Variants in HPSE2 observed in about 807,000 individuals in gnomAD.
HPSE2 encodes heparanase 2 (inactive), also known as inactive heparanase-2.
HPSE2 carries 38 observed loss-of-function variants against 60.5 expected under a neutral mutation model. The ratio of observed to expected loss-of-function variants is 0.63; its 90% CI spans 0.48 to 0.82. The LOEUF (loss-of-function observed/expected upper bound fraction) is 0.82, where lower values mean the gene tolerates loss of function less well. HPSE2 is among the 40% of genes least tolerant of loss of function. The probability of loss-of-function intolerance (pLI) is 0.00; values close to 1 mark genes in which losing one functional copy is unlikely to be tolerated. For synonymous variants in HPSE2, 295 were observed against 293.2 expected (o/e 1.01, Z -0.06); for missense variants, 713 against 740.4 (o/e 0.96, Z 0.43).
rs1258209087 is a variant in HPSE2, at chr10:98,981,401, G to GC, written c.610+162836dup. Among the ~76,000 whole-genome samples, 4 of 152,068 alleles carry GC rather than the reference G, an allele frequency of 2.6e-5. No homozygotes were observed. In the East Asian group the frequency reaches 7.7e-4, roughly 29 times the overall value. On this transcript the variant is annotated intron_variant, in intron 3 of 11. Transcript: ENST00000370552. The stretch of plus-strand genomic sequence containing the variant: ...GAGTTTAACTCTGGCTCTACCAAGT[G>GC]CACTCACTGTAAGAGCTTGGACAAG...
the HPSE2 span, among the ~76,000 whole-genome samples, chr10:99,285,735 G>A: frequency 6.6e-6 from 1 of 152,150 alleles, no homozygotes; most frequent in East Asian, 1.9e-4. Context: ...GATCAGCCTG[G>A]GCAACATGGT....
intron 3 of HPSE2, among the ~76,000 whole-genome samples, chr10:98,905,012 T>C (rs1953770091): frequency 6.6e-6 from 1 of 152,172 alleles, no homozygotes; most frequent in African/African-American, 2.4e-5. Context: ...TCTTTAACAT[T>C]TAATACCTTA....
At chr10:99,257,923 T>C in the HPSE2 span, among the ~76,000 whole-genome samples, 3 of 152,010 alleles carry the variant, frequency 2.0e-5, no homozygotes, top group Non-Finnish European at 4.4e-5. Flanking sequence ...TTAGGGAAAA[T>C]AGAAAAGAAC....
At chr10:98,933,082 C>A (rs887489521) in intron 3 of HPSE2, among the ~76,000 whole-genome samples, 3 of 144,022 alleles carry the variant, frequency 2.1e-5, no homozygotes, top group African/African-American at 8.5e-5. Context: ...ATCTTTCTAG[C>A]TTTTTGATGT....
rs1944584737 is a variant in HPSE2, at chr10:98,574,360, G to A, written c.1320+40544C>T. Among the ~76,000 whole-genome samples, 3 of 151,962 alleles carry A rather than the reference G, an allele frequency of 2.0e-5. No individual in the cohort carries two copies. In the South Asian group the frequency reaches 6.2e-4, roughly 32 times the overall value. ...TAAAAGAAGAGAACCCCAGGGAGGGGGAGAGAGGAATAAGACTAGGAATAG... is the reference window on the plus strand; with the variant it reads ...TAAAAGAAGAGAACCCCAGGGAGGGAGAGAGAGGAATAAGACTAGGAATAG... On this transcript the variant is annotated intron_variant, in intron 9 of 11. Coordinates refer to ENST00000370552, the MANE Select transcript of HPSE2 (RefSeq NM_021828.5).
chr10:98,633,457 C>A (rs1946417789), intron 7 of HPSE2, among the ~76,000 whole-genome samples: 1 of 152,166 alleles, frequency 6.6e-6, no homozygotes, highest in Non-Finnish European at 1.5e-5. Flanking sequence ...AAATGATTCA[C>A]CTGCTTTGGA....
At chr10:99,170,525 T>C (rs1847269257) in intron 2 of HPSE2, among the ~76,000 whole-genome samples, 1 of 152,216 alleles carries the variant, frequency 6.6e-6, no homozygotes, top group Non-Finnish European at 1.5e-5. Context: ...ATTCATATGC[T>C]AAATATTTCT....
At chr10:99,185,841 T>C (rs1416952166) in intron 2 of HPSE2, among the ~76,000 whole-genome samples, 1 of 151,872 alleles carries the variant, frequency 6.6e-6, no homozygotes, top group East Asian at 1.9e-4. Flanking sequence ...GGCGGATGTT[T>C]TGTCAGAAAC....
intron 9 of HPSE2, among the ~76,000 whole-genome samples, chr10:98,534,357 C>A (rs1409375297): frequency 6.6e-6 from 1 of 152,032 alleles, no homozygotes; most frequent in Non-Finnish European, 1.5e-5. Context: ...ATTTTTTTCA[C>A]CCCAACTGAA....
chr10:98,627,397 T>G (rs1208995847), intron 7 of HPSE2, among the ~76,000 whole-genome samples: 5 of 152,142 alleles, frequency 3.3e-5, no homozygotes, highest in African/African-American at 1.2e-4. Context: ...GCAGTGAGTT[T>G]TGTTCACACT....
intron 9 of HPSE2, among the ~76,000 whole-genome samples, chr10:98,610,217 A>G (rs1405424254): frequency 6.6e-6 from 1 of 152,076 alleles, no homozygotes; most frequent in Non-Finnish European, 1.5e-5. Flanking sequence ...CTACACAGGG[A>G]GAGATTTAAG....
chr10:99,215,643 G>T (rs751644154), intron 2 of HPSE2, among the ~76,000 whole-genome samples: 1 of 152,250 alleles, frequency 6.6e-6, no homozygotes, highest in South Asian at 2.1e-4. Context: ...TTTAAAAAGC[G>T]TCACAAACGA....
At chr10:98,966,265 G>A (rs943438138) in intron 3 of HPSE2, among the ~76,000 whole-genome samples, 1 of 152,220 alleles carries the variant, frequency 6.6e-6, no homozygotes, top group African/African-American at 2.4e-5. Context: ...GGCAAAGAGA[G>A]GGAGGGAAAG....
chr10:99,028,787 C>A (rs867522396), intron 3 of HPSE2, among the ~76,000 whole-genome samples: 2 of 152,156 alleles, frequency 1.3e-5, no homozygotes, highest in African/African-American at 4.8e-5. Context: ...TAAAAACAGA[C>A]GCATAGATCA....
chr10:99,066,410 A>T (rs1842619116), intron 3 of HPSE2, among the ~76,000 whole-genome samples: 1 of 152,222 alleles, frequency 6.6e-6, no homozygotes, highest in East Asian at 1.9e-4. Flanking sequence ...AGAGGAAAAA[A>T]AATAAAGATT....
intron 3 of HPSE2, among the ~76,000 whole-genome samples, chr10:98,756,140 T>C (rs1423936382): frequency 6.6e-6 from 1 of 152,048 alleles, no homozygotes; most frequent in Non-Finnish European, 1.5e-5. Flanking sequence ...AAAACAAAGA[T>C]ACAACATACT....
At chr10:98,770,398 A>G (rs1235144252) in intron 3 of HPSE2, among the ~76,000 whole-genome samples, 1 of 152,206 alleles carries the variant, frequency 6.6e-6, no homozygotes, top group African/African-American at 2.4e-5. Context: ...CATCTGCCAC[A>G]GGGAGCATAA....
At chr10:98,838,505 G>A (rs369219199) in intron 3 of HPSE2, among the ~76,000 whole-genome samples, 1 of 149,498 alleles carries the variant, frequency 6.7e-6, no homozygotes, top group African/African-American at 2.5e-5. Context: ...GCCCAAGCTG[G>A]TCTCAAACTA....
the HPSE2 span, among the ~76,000 whole-genome samples, chr10:99,252,520 C>A: frequency 6.6e-6 from 1 of 152,082 alleles, no homozygotes; most frequent in East Asian, 1.9e-4. Flanking sequence ...TATTTTTATA[C>A]ACCAATAATG....
Sources: allele counts gnomAD v4.1 joint callset (sites outside exome capture counted in the v4.1 genomes callset), GRCh38; gene constraint gnomAD v4.1.1; transcripts MANE v1.5; gene names NCBI Gene and HGNC (gene_info 2026-07-23, HGNC 2026-07-21).